The following NOTUM variants were observed in gnomAD, a reference collection of about 807,000 sequenced individuals.
NOTUM encodes the protein palmitoleoyl-protein carboxylesterase NOTUM.
In NOTUM, 36 loss-of-function variants were observed where a neutral mutation model predicts 65.5. That is an observed-to-expected ratio of 0.55 (90% confidence interval 0.42 to 0.73). The LOEUF is 0.73. Ranked by LOEUF, NOTUM falls within the 30% of genes least tolerant of loss-of-function variation. NOTUM has a pLI of 0.00. For synonymous variants in NOTUM, 356 were observed against 297.9 expected (o/e 1.20, Z -2.01); for missense variants, 659 against 694.2 (o/e 0.95, Z 0.57).
chr17:81,956,938 C>CT lies in NOTUM; in HGVS notation c.831dup (p.Asp278ArgfsTer63). On this transcript the variant is annotated frameshift_variant, in exon 7 of 11. Coordinates refer to ENST00000409678, the MANE Select transcript of NOTUM (RefSeq NM_178493.6). LOFTEE classifies it high-confidence loss of function. Reference sequence around the variant, plus strand: ...GCGCACGTGATCGTGTCGACGCAGTCTGTGTGGCGATACTGCTTGTTGTCC... The same window carrying CT: ...GCGCACGTGATCGTGTCGACGCAGTCTTGTGTGGCGATACTGCTTGTTGTCC... The CT allele has an allele frequency of 6.2e-7, 1 of 1,613,228 alleles. No individual in the cohort carries two copies. Among genetic ancestry groups the CT allele is most frequent in the Middle Eastern group, 1.7e-4 (1 of 6,058 alleles).
chr17:81,959,330 G>A (rs988955698), intron 3 of NOTUM, 141 bp downstream of exon 3: 21 of 661,226 alleles, frequency 3.2e-5, no homozygotes, highest in Non-Finnish European at 4.1e-5. Flanking sequence ...AAGAGTGAAG[G>A]GCGCCCCTTG....
rs557716494 is a variant in NOTUM, at chr17:81,956,932, C to T, written c.838G>A (p.Val280Ile). 23 of 1,612,972 alleles carry T rather than the reference C, an allele frequency of 1.4e-5. No individual in the cohort carries two copies. The highest frequency in any genetic ancestry group is 1.3e-4 in the Admixed American group (8 of 60,004). ...DNKQYRHTDCVDTITCAPTEA... is the reference protein window; with the variant it reads ...DNKQYRHTDCIDTITCAPTEA... Reference sequence around the variant, plus strand: ...GTGGGCGCGCACGTGATCGTGTCGACGCAGTCTGTGTGGCGATACTGCTTG... The same window carrying T: ...GTGGGCGCGCACGTGATCGTGTCGATGCAGTCTGTGTGGCGATACTGCTTG... Residue 280 changes from valine (V) to isoleucine (I), a missense_variant, in exon 7 of 11, where the codon GTC (valine) becomes ATC (isoleucine). Physicochemically the swap from Val to Ile is conservative, Grantham distance 29. Coordinates refer to ENST00000409678, the MANE Select transcript of NOTUM (RefSeq NM_178493.6).
At chr17:81,953,517 G>A (rs956608190) in intron 10 of NOTUM, among the ~76,000 whole-genome samples, 44 of 152,012 alleles carry the variant, frequency 2.9e-4, no homozygotes, top group African/African-American at 9.2e-4. Flanking sequence ...AGCTGGTCTC[G>A]AACTGACGTC....
chr17:81,959,911 C>T (rs993095326), intron 1 of NOTUM: 1 of 189,688 alleles, frequency 5.3e-6, no homozygotes, highest in East Asian at 1.5e-4. Context: ...GGCTGTGGTC[C>T]GTGGAAAATC....
rs373834612 is a variant in NOTUM, at chr17:81,959,069, G to C, written c.473-74C>G. The C allele has an allele frequency of 2.1e-4, 276 of 1,287,498 alleles. 4 individuals are homozygous for C. The East Asian group carries it at 5.3e-3, about 25-fold the overall frequency. 79.8% of individuals were successfully genotyped at this position (1,287,498 alleles called of 1,614,324 possible). Reference sequence around the variant, plus strand: ...GGGTCGGGTCTGGGAACCCTGGTGAGGTGTTGGGGCTCCTACTTGGCCCCA... The same window carrying C: ...GGGTCGGGTCTGGGAACCCTGGTGACGTGTTGGGGCTCCTACTTGGCCCCA... On this transcript the variant is annotated intron_variant, in intron 3 of 10. Transcript: ENST00000409678.
chr17:81,958,868 G>C, intron 4 of NOTUM, 67 bp downstream of exon 4: 1 of 1,246,962 alleles, frequency 8.0e-7, no homozygotes, highest in Non-Finnish European at 1.2e-6. Flanking sequence ...GACTTCCCAA[G>C]GAAGGACCCC....
chr17:81,952,713 C>A lies in NOTUM; in HGVS notation c.*248G>T. Reference sequence around the variant, plus strand: ...GAATCCAGTGCTTCTCTTCTGGCTACCCCCTCGTTGTCAGGAAGGACCCCC... The same window carrying A: ...GAATCCAGTGCTTCTCTTCTGGCTAACCCCTCGTTGTCAGGAAGGACCCCC... On this transcript the variant is annotated 3_prime_UTR_variant, in exon 11 of 11. Transcript: ENST00000409678. The A allele has an allele frequency of 1.8e-6, 1 of 563,450 alleles. No individual in the cohort carries two copies. The highest frequency in any genetic ancestry group is 2.2e-5 in the South Asian group (1 of 45,798). The allele number at this position is 563,450 out of a possible 1,614,324, so 34.9% of individuals were successfully genotyped here.
In NOTUM at chr17:81,952,893, G is replaced by T. The variant is rs1430645634; in HGVS notation, c.*68C>A. On this transcript the variant is annotated 3_prime_UTR_variant, in exon 11 of 11. Coordinates refer to ENST00000409678, the MANE Select transcript of NOTUM (RefSeq NM_178493.6). ...GAGACGGGAGGGCCTGCTGGTGGGG[G>T]GTGAGGTGGCACTGGGGCAGCGGGT... The T allele has an allele frequency of 2.2e-6, 3 of 1,380,838 alleles. No individual in the cohort carries two copies. Among genetic ancestry groups the T allele is most frequent in the Non-Finnish European group, 3.1e-6 (3 of 981,080 alleles). The allele number at this position is 1,380,838 out of a possible 1,614,324, so 85.5% of individuals were successfully genotyped here. A position where few individuals can be genotyped will look rare whatever the true frequency, so the allele number is the denominator to read the frequency against.
chr17:81,954,227 C>T (rs4796851), intron 10 of NOTUM, 29 bp downstream of exon 10: 783,847 of 1,566,290 alleles, frequency 0.5, 201,419 homozygotes, highest in Non-Finnish European at 0.53. Flanking sequence ...ATGTCATGGA[C>T]GCAAGCTGCC....
In NOTUM at chr17:81,958,404, G is replaced by A; in HGVS notation, c.534-11C>T. ...CAGTAGGGGATGAAGCTGCAACACA[G>A]AACAGAGTGAGCCTGTCACAGCGCC... On this transcript the variant is annotated splice_polypyrimidine_tract_variant and intron_variant, in intron 4 of 10. Transcript: ENST00000409678. The A allele has an allele frequency of 6.2e-7, 1 of 1,600,514 alleles. No individual in the cohort carries two copies. The highest frequency in any genetic ancestry group is 1.1e-5 in the South Asian group (1 of 90,854).
At chr17:81,957,392 C>A (rs759166960) in intron 6 of NOTUM, among the ~76,000 whole-genome samples, 2 of 152,148 alleles carry the variant, frequency 1.3e-5, no homozygotes, top group Non-Finnish European at 2.9e-5. Context: ...CAGGCCCCAT[C>A]ATCTATTCCC....
Position 81,960,979 on chromosome 17 carries a change from G to C in NOTUM, c.-70C>G. 2.3e-6 allele frequency: 2 copies of C among 864,896 alleles called. No individual in the cohort carries two copies. The highest frequency in any genetic ancestry group is 1.5e-6 in the Non-Finnish European group (1 of 681,268). 53.6% of individuals were successfully genotyped at this position (864,896 alleles called of 1,614,324 possible). On this transcript the variant is annotated 5_prime_UTR_variant, in exon 1 of 11. Coordinates refer to ENST00000409678, the MANE Select transcript of NOTUM (RefSeq NM_178493.6). The surrounding 1 kb of genome is among the most constrained non-coding windows in gnomAD (Gnocchi z 6.4). Reference sequence around the variant, plus strand: ...GGCGGCGGCGGGGGATGCCGGGCCGGGGGTGCCGGGCCGGGGGTGTCGGGG... The same window carrying C: ...GGCGGCGGCGGGGGATGCCGGGCCGCGGGTGCCGGGCCGGGGGTGTCGGGG...
rs776857525 is a variant in NOTUM at position 81,960,724 on chromosome 17, G to C, written c.186C>G (p.Asn62Lys). Residue 62 changes from asparagine to lysine, a missense_variant, in exon 1 of 11, where the codon AAC (asparagine) becomes AAG (lysine). Physicochemically the swap from Asn to Lys is moderately conservative, Grantham distance 94. Transcript: ENST00000409678. The surrounding 1 kb of genome is among the most constrained non-coding windows in gnomAD (Gnocchi z 6.4). ...TGACTTGCGCCATGAAGCTGTCCAT[G>C]TTACCCTCCACGGCCGTGAAGTCCA... is the stretch of plus-strand genomic sequence containing the variant. ...FPLDFTAVEG[N>K]MDSFMAQVKS... 9 of 1,603,490 alleles carry C rather than the reference G, an allele frequency of 5.6e-6. No individual in the cohort carries two copies. Among genetic ancestry groups the C allele is most frequent in the African/African-American group, 1.3e-5 (1 of 74,890 alleles).
In NOTUM at chr17:81,960,867, G is replaced by A. The variant is rs1299954918; in HGVS notation, c.43C>T (p.His15Tyr). Reference sequence around the variant, plus strand: ...CTGCCCTCGCTGCCCCCGGCGCAGTGCAGCAGGCTCAGCAGCAGCAGCACG... The same window carrying A: ...CTGCCCTCGCTGCCCCCGGCGCAGTACAGCAGGCTCAGCAGCAGCAGCACG... ...VRVLLLLSLL[H>Y]CAGGSEGRKT... Residue 15 changes from histidine (H) to tyrosine (Y), a missense_variant, in exon 1 of 11, where the codon CAC becomes TAC. Transcript: ENST00000409678. This position sits in a 1 kb window ranked among gnomAD's most constrained non-coding sequence, Gnocchi z 6.4. The A allele has an allele frequency of 7.0e-7, 1 of 1,434,684 alleles. No individual in the cohort carries two copies. Among genetic ancestry groups the A allele is most frequent in the Admixed American group, 2.7e-5 (1 of 37,442 alleles). The allele number at this position is 1,434,684 out of a possible 1,614,324, so 88.9% of individuals were successfully genotyped here.
intron 10 of NOTUM, 22 bp from the exon 11 acceptor site, chr17:81,953,289 G>GC: frequency 6.8e-7 from 1 of 1,463,702 alleles, no homozygotes; most frequent in Non-Finnish European, 9.1e-7. Context: ...AACCGGGGGA[G>GC]GGGGTCACAT....
chr17:81,952,893 G>A lies in NOTUM; in HGVS notation c.*68C>T. 5 of 1,380,958 alleles carry A rather than the reference G, an allele frequency of 3.6e-6. No individual in the cohort carries two copies. The highest frequency in any genetic ancestry group is 1.2e-5 in the South Asian group (1 of 81,856). The allele number at this position is 1,380,958 out of a possible 1,614,324, so 85.5% of individuals were successfully genotyped here. On this transcript the variant is annotated 3_prime_UTR_variant, in exon 11 of 11. Transcript: ENST00000409678. The stretch of plus-strand genomic sequence containing the variant: ...GAGACGGGAGGGCCTGCTGGTGGGG[G>A]GTGAGGTGGCACTGGGGCAGCGGGT...
intron 6 of NOTUM, 79 bp from the exon 7 acceptor site, chr17:81,957,153 G>A (rs531304548): frequency 9.6e-6 from 12 of 1,246,916 alleles, no homozygotes; most frequent in East Asian, 2.4e-5. Flanking sequence ...GCGTCAGCCC[G>A]TGCCCCGAGG....
intron 1 of NOTUM, among the ~76,000 whole-genome samples, chr17:81,959,977 C>T (rs1220107107): frequency 9.2e-5 from 14 of 151,940 alleles, no homozygotes; most frequent in South Asian, 2.1e-4. Flanking sequence ...CGGCGGTCCT[C>T]CCGGGGCGCG....
chr17:81,960,891 C>G lies in NOTUM; in HGVS notation c.19G>C (p.Val7Leu). 5.1e-6 allele frequency: 7 copies of G among 1,371,760 alleles called. No individual in the cohort carries two copies. The highest frequency in any genetic ancestry group is 6.6e-6 in the Non-Finnish European group (7 of 1,065,222). The allele number at this position is 1,371,760 out of a possible 1,614,324, so 85.0% of individuals were successfully genotyped here. A position where few individuals can be genotyped will look rare whatever the true frequency, so the allele number is the denominator to read the frequency against. MGRGVR[V>L]LLLLSLLHCA... ...TGCAGCAGGCTCAGCAGCAGCAGCA[C>G]GCGCACCCCTCGGCCCATGGCCGCG... The change falls in exon 1 of 11, where the codon GTG becomes CTG. Residue 7 changes from valine to leucine, a missense_variant. Transcript: ENST00000409678. This position sits in a 1 kb window ranked among gnomAD's most constrained non-coding sequence, Gnocchi z 6.4.
Sources: gnomAD v4.1 joint callset for allele counts (sites outside exome capture counted in the v4.1 genomes callset) on GRCh38, gnomAD v4.1.1 for gene constraint, Gnocchi (gnomAD v3.1) non-coding constraint, MANE v1.5 for transcripts, NCBI Gene and HGNC (gene_info 2026-07-23, HGNC 2026-07-21) for gene names.